The following ADAM22 variants were observed in gnomAD, a reference collection of about 807,000 sequenced individuals.
ADAM22 encodes the protein disintegrin and metalloproteinase domain-containing protein 22.
Under a neutral mutation model 144.6 loss-of-function variants are expected in ADAM22, and 65 were observed. The ratio of observed to expected loss-of-function variants is 0.45; its 90% CI spans 0.37 to 0.55. The LOEUF (loss-of-function observed/expected upper bound fraction) is 0.55, where lower values mean the gene tolerates loss of function less well. Ranked by LOEUF, ADAM22 falls within the 20% of genes least tolerant of loss-of-function variation. The pLI, the probability that ADAM22 is intolerant of heterozygous loss-of-function variation, is 0.00. For synonymous variants in ADAM22, 391 were observed against 412.6 expected (o/e 0.95, Z 0.63); for missense variants, 974 against 1,184.9 (o/e 0.82, Z 2.61).
chr7:88,177,219 A>G (rs1424275678), intron 26 of ADAM22, among the ~76,000 whole-genome samples: 3 of 152,078 alleles, frequency 2.0e-5, no homozygotes, highest in Admixed American at 6.6e-5. Context: ...ATGTAATACA[A>G]AAGGGAAGTT....
chr7:87,937,009 G>C (rs1357447272), intron 2 of ADAM22, among the ~76,000 whole-genome samples: 1 of 152,134 alleles, frequency 6.6e-6, no homozygotes, highest in African/African-American at 2.4e-5. Context: ...AGACAGGAGT[G>C]CAGTAGCACG....
chr7:88,048,438 A>T (rs1395852251), intron 3 of ADAM22, among the ~76,000 whole-genome samples: 1 of 152,156 alleles, frequency 6.6e-6, no homozygotes, highest in African/African-American at 2.4e-5. Flanking sequence ...ACTGCCTTCT[A>T]TAAAGTCTAT....
At position 88,145,194 on chromosome 7, in the gene ADAM22, G is replaced by C. The variant is rs1835996911; in HGVS notation, c.1390G>C (p.Ala464Pro). 6.2e-7 allele frequency: 1 copy of C among 1,613,716 alleles called. No individual in the cohort carries two copies. The highest frequency in any genetic ancestry group is 8.5e-7 in the Non-Finnish European group (1 of 1,179,810). Residue 464 changes from alanine (A) to proline (P), a missense_variant and splice_region_variant, in exon 16 of 32, where the codon GCC becomes CCC. Physicochemically the swap from Ala to Pro is conservative, Grantham distance 27 (BLOSUM62 -1). Coordinates refer to ENST00000413139, the MANE Select transcript of ADAM22 (RefSeq NM_001324418.2). ...TGEECDCGTPAECVLEGAECC... is the reference protein window; with the variant it reads ...TGEECDCGTPPECVLEGAECC... ...AGAGGAGTGTGATTGTGGAACCCCG[G>C]CCGTAAGTCTCTGGTTGTTTTGATG...
At chr7:88,019,878 TGTGTGTGTGTGTGTG>T (rs1797377403) in intron 3 of ADAM22, among the ~76,000 whole-genome samples, 1 of 149,786 alleles carries the variant, frequency 6.7e-6, no homozygotes, top group African/African-American at 2.5e-5. Flanking sequence ...TGTGTGTGTG[TGTGTGTGTGTGTGTG>T]TGTGTGTGTG....
chr7:88,067,665 T>C (rs1811630001), intron 3 of ADAM22, among the ~76,000 whole-genome samples: 1 of 152,150 alleles, frequency 6.6e-6, no homozygotes, highest in Admixed American at 6.6e-5. Flanking sequence ...AAAACTTTGC[T>C]TTATTAGGAA....
At chr7:88,075,129 A>G (rs1177287742) in intron 3 of ADAM22, among the ~76,000 whole-genome samples, 1 of 152,152 alleles carries the variant, frequency 6.6e-6, no homozygotes, top group Non-Finnish European at 1.5e-5. Flanking sequence ...AAAAAGAATA[A>G]TTTTCAAATG....
At chr7:88,003,496 T>C (rs1459611908) in intron 3 of ADAM22, among the ~76,000 whole-genome samples, 1 of 152,134 alleles carries the variant, frequency 6.6e-6, no homozygotes, top group Non-Finnish European at 1.5e-5. Flanking sequence ...ATTTAGGTTC[T>C]CCCCCCAAAT....
chr7:87,965,351 G>C (rs1295434282), intron 2 of ADAM22, among the ~76,000 whole-genome samples: 1 of 152,090 alleles, frequency 6.6e-6, no homozygotes, highest in African/African-American at 2.4e-5. Context: ...TATATCCTTG[G>C]AAAACTTTTA....
At chr7:88,080,199 A>G (rs1816090770) in intron 4 of ADAM22, among the ~76,000 whole-genome samples, 1 of 152,188 alleles carries the variant, frequency 6.6e-6, no homozygotes, top group South Asian at 2.1e-4. Flanking sequence ...AACTCACTCA[A>G]AACCGCTCAA....
chr7:88,157,669 T>C (rs188434133), intron 22 of ADAM22, among the ~76,000 whole-genome samples: 252 of 152,076 alleles, frequency 1.7e-3, no homozygotes, highest in Non-Finnish European at 2.7e-3. Context: ...TTTACAGCGC[T>C]ACGAAACCGG....
intron 5 of ADAM22, among the ~76,000 whole-genome samples, chr7:88,113,652 ATG>A (rs1384869294): frequency 1.6e-5 from 2 of 123,572 alleles, no homozygotes; most frequent in Non-Finnish European, 1.6e-5. Flanking sequence ...ATGTATGTGT[ATG>A]TGTGTGTGTA....
chr7:88,067,049 AG>A lies in ADAM22; in HGVS notation c.324-8574del, dbSNP rs547985043. 1.1e-4 allele frequency among the ~76,000 whole-genome samples: 16 copies of A among 152,222 alleles called. No homozygotes were observed. The East Asian group carries it at 3.1e-3, about 29-fold the overall frequency. The stretch of plus-strand genomic sequence containing the variant: ...TTAAGTGCCCAAAATCTCCATTTCT[AG>A]GGTACTCATAAGAAGTCTAAGTAAA... On this transcript the variant is annotated intron_variant, in intron 3 of 31. Transcript: ENST00000413139.
rs746151645 is a variant in ADAM22, at chr7:87,978,324, T to C, written c.247-12T>C. ...GAGTAATAAATAACCTTTTTTCTTT[T>C]TGATATTGTAGTTGACTCATGTTGA... is the stretch of plus-strand genomic sequence containing the variant. On this transcript the variant is annotated splice_polypyrimidine_tract_variant and intron_variant, in intron 2 of 31. Transcript: ENST00000413139. The C allele has an allele frequency of 6.2e-7, 1 of 1,608,800 alleles. No homozygotes were observed. The highest frequency in any genetic ancestry group is 1.1e-5 in the South Asian group (1 of 90,078).
intron 3 of ADAM22, among the ~76,000 whole-genome samples, chr7:88,050,319 G>A (rs1311479811): frequency 6.6e-6 from 1 of 151,262 alleles, no homozygotes; most frequent in African/African-American, 2.4e-5. Flanking sequence ...CTTGAGCCCA[G>A]GAGTTTGAGG....
chr7:88,010,254 A>G (rs1037226318), intron 3 of ADAM22, among the ~76,000 whole-genome samples: 1 of 152,212 alleles, frequency 6.6e-6, no homozygotes. Flanking sequence ...TGTGTCTGAT[A>G]AAATTATCAC....
chr7:87,954,892 C>T (rs1472374902), intron 2 of ADAM22, among the ~76,000 whole-genome samples: 4 of 152,210 alleles, frequency 2.6e-5, no homozygotes, highest in African/African-American at 7.2e-5. Context: ...ATTTCATCTT[C>T]CATCACTGAT....
intron 2 of ADAM22, among the ~76,000 whole-genome samples, chr7:87,937,572 C>T (rs986890191): frequency 6.6e-6 from 1 of 152,162 alleles, no homozygotes; most frequent in Non-Finnish European, 1.5e-5. Context: ...TGGTGAAAGA[C>T]CACCACTTTT....
chr7:87,994,322 G>A (rs879657641), intron 3 of ADAM22, among the ~76,000 whole-genome samples: 3 of 152,148 alleles, frequency 2.0e-5, no homozygotes, highest in South Asian at 4.1e-4. Context: ...CACCACGCCC[G>A]GCTAATTTTT....
intron 31 of ADAM22, among the ~76,000 whole-genome samples, chr7:88,195,160 A>T (rs1467188341): frequency 6.6e-6 from 1 of 152,214 alleles, no homozygotes; most frequent in African/African-American, 2.4e-5. Flanking sequence ...ATGGAATTGG[A>T]TACAACCTAA....
Sources: allele counts gnomAD v4.1 joint callset (sites outside exome capture counted in the v4.1 genomes callset), GRCh38; gene constraint gnomAD v4.1.1; transcripts MANE v1.5; gene names NCBI Gene and HGNC (gene_info 2026-07-23, HGNC 2026-07-21).